Variants in TMLHE observed in about 807,000 individuals in gnomAD.
TMLHE encodes trimethyllysine hydroxylase, epsilon, also known as trimethyllysine dioxygenase, mitochondrial.
TMLHE carries 18 observed loss-of-function variants against 25.7 expected under a neutral mutation model. The ratio of observed to expected loss-of-function variants is 0.70; its 90% CI spans 0.48 to 1.04. The LOEUF (loss-of-function observed/expected upper bound fraction) is 1.04. Among genes scored for constraint, TMLHE ranks in the 50% least tolerant of loss-of-function variants. TMLHE has a pLI of 0.00. For synonymous variants in TMLHE, 105 were observed against 97.0 expected, an observed-to-expected ratio of 1.08 and a Z score of -0.49; for missense variants, 236 against 259.0, an observed-to-expected ratio of 0.91 and a Z score of 0.61.
chrX:155,561,423 T>TAACA (rs1320342096), intron 1 of TMLHE, among the ~76,000 whole-genome samples: 1 of 60,879 alleles, frequency 1.6e-5, no homozygotes, highest in African/African-American at 3.6e-5. Context: ...GCCCCTCCTC[T>TAACA]AACATTGGGG....
In TMLHE at chrX:155,521,763, C is replaced by T. The variant is rs372326674; in HGVS notation, c.358+2693G>A. 9.0e-5 allele frequency among the ~76,000 whole-genome samples: 5 copies of T among 55,402 alleles called. No individual in the cohort carries two copies. The Admixed American group carries it at 9.2e-4, about 10-fold the overall frequency. 48.1% of individuals were successfully genotyped at this position (55,402 alleles called of 115,157 possible). ...AAGCCGGTCTGAAAAGCGCAATATTCGGGTGGGAGTGACCCGATTTTCCAG... is the reference window on the plus strand; with the variant it reads ...AAGCCGGTCTGAAAAGCGCAATATTTGGGTGGGAGTGACCCGATTTTCCAG... On this transcript the variant is annotated intron_variant, in intron 3 of 7. Transcript: ENST00000334398.
chrX:155,534,229 G>C (rs1351331476), intron 2 of TMLHE, among the ~76,000 whole-genome samples: 1 of 111,714 alleles, frequency 9.0e-6, no homozygotes, highest in African/African-American at 3.3e-5. Context: ...AGATCATCGG[G>C]GCTGCCACTC....
chrX:155,592,628 A>C (rs782405292), intron 1 of TMLHE, among the ~76,000 whole-genome samples: 1 of 111,982 alleles, frequency 8.9e-6, no homozygotes, highest in Non-Finnish European at 1.9e-5. Context: ...GATGCTCCCC[A>C]GGAAGCCCAC....
intron 3 of TMLHE, among the ~76,000 whole-genome samples, chrX:155,522,622 A>G (rs1302377411): frequency 8.9e-6 from 1 of 112,108 alleles, no homozygotes; most frequent in Non-Finnish European, 1.9e-5. Flanking sequence ...ATGTTATTTC[A>G]TGACTGTTAC....
intron 1 of TMLHE, among the ~76,000 whole-genome samples, chrX:155,607,816 TA>T (rs1303483574): frequency 2.7e-4 from 30 of 109,738 alleles, no homozygotes; most frequent in Middle Eastern, 9.3e-3. Context: ...ACAATAGACA[TA>T]AAAAAAATAA....
chrX:155,556,443 G>A (rs1282412619), intron 1 of TMLHE, among the ~76,000 whole-genome samples: 3 of 110,479 alleles, frequency 2.7e-5, no homozygotes, highest in Admixed American at 9.7e-5. Context: ...TTAAAGCTGG[G>A]CGTCCTGGGG....
chrX:155,574,013 A>G lies in TMLHE; in HGVS notation c.-1-28736T>C, dbSNP rs150520986. On this transcript the variant is annotated intron_variant, in intron 1 of 7. Coordinates refer to ENST00000334398, the MANE Select transcript of TMLHE (RefSeq NM_018196.4). ...ATAAAATAAAATAAAATAAAATAAT[A>G]CAACAGAGCACACACACACACGAAA... Among the ~76,000 whole-genome samples, 822 of 107,103 alleles carry G rather than the reference A, an allele frequency of 7.7e-3. 71 individuals are homozygous for G. Among genetic ancestry groups the G allele is most frequent in the African/African-American group, 0.028 (782 of 27,577 alleles). 93.0% of individuals were successfully genotyped at this position (107,103 alleles called of 115,157 possible).
intron 1 of TMLHE, among the ~76,000 whole-genome samples, chrX:155,603,361 AGAAAGAAT>A (rs2067767534): frequency 2.2e-5 from 1 of 44,669 alleles, no homozygotes; most frequent in African/African-American, 5.8e-5. Context: ...AGAAAAGAAA[AGAAAGAAT>A]GAAAGAAAGA....
chrX:155,526,473 G>A (rs782168104), intron 2 of TMLHE, among the ~76,000 whole-genome samples: 23 of 112,897 alleles, frequency 2.0e-4, no homozygotes, highest in African/African-American at 6.4e-4. Flanking sequence ...GTCTATTGCA[G>A]GGGCAGAGCC....
intron 2 of TMLHE, among the ~76,000 whole-genome samples, chrX:155,533,720 G>C (rs911012247): frequency 9.0e-6 from 1 of 111,137 alleles, no homozygotes; most frequent in Admixed American, 9.6e-5. Context: ...AATGGTAAAG[G>C]CCATTCTGAT....
intron 1 of TMLHE, among the ~76,000 whole-genome samples, chrX:155,584,845 G>T (rs2065174074): frequency 9.0e-6 from 1 of 111,353 alleles, no homozygotes; most frequent in South Asian, 3.8e-4. Flanking sequence ...AATGCTGAGA[G>T]AATTTTCACC....
intron 1 of TMLHE, among the ~76,000 whole-genome samples, chrX:155,593,123 C>G (rs2067702197): frequency 8.9e-6 from 1 of 111,854 alleles, no homozygotes; most frequent in African/African-American, 3.2e-5. Context: ...CAAGCAGCAA[C>G]TCTGCCTAAT....
intron 3 of TMLHE, among the ~76,000 whole-genome samples, chrX:155,523,509 CTA>C (rs1197534463): frequency 1.8e-5 from 2 of 111,539 alleles, no homozygotes; most frequent in Non-Finnish European, 3.8e-5. Context: ...TCTGGGTTCT[CTA>C]TTCTATTCCA....
chrX:155,561,385 C>T (rs1490412664), intron 1 of TMLHE, among the ~76,000 whole-genome samples: 1 of 60,845 alleles, frequency 1.6e-5, no homozygotes, highest in African/African-American at 3.6e-5. Flanking sequence ...GGGAAATCCA[C>T]TGCCATGATT....
intron 1 of TMLHE, among the ~76,000 whole-genome samples, chrX:155,607,502 G>A (rs922863957): frequency 2.7e-5 from 3 of 111,027 alleles, no homozygotes; most frequent in Non-Finnish European, 5.7e-5. Flanking sequence ...TTCTCCTTGA[G>A]AACTGGAACA....
At chrX:155,560,132 C>T (rs939261640) in intron 1 of TMLHE, among the ~76,000 whole-genome samples, 1 of 112,046 alleles carries the variant, frequency 8.9e-6, no homozygotes, top group African/African-American at 3.2e-5. Flanking sequence ...TACAATTGCA[C>T]TCAGGGCGTT....
intron 1 of TMLHE, among the ~76,000 whole-genome samples, chrX:155,581,894 G>T (rs1454534595): frequency 8.9e-6 from 1 of 111,985 alleles, no homozygotes; most frequent in African/African-American, 3.2e-5. Context: ...GAACAAAGCT[G>T]GAGGCATCAT....
chrX:155,589,705 A>G (rs782365903), intron 1 of TMLHE, among the ~76,000 whole-genome samples: 1 of 111,358 alleles, frequency 9.0e-6, no homozygotes, highest in Non-Finnish European at 1.9e-5. Flanking sequence ...AGAATAAATA[A>G]GTTCCAATAA....
chrX:155,538,648 T>A (rs1423754506), intron 2 of TMLHE, among the ~76,000 whole-genome samples: 5 of 111,779 alleles, frequency 4.5e-5, no homozygotes, highest in African/African-American at 1.6e-4. Flanking sequence ...CACAAACTGA[T>A]GCCCCATATC....
Sources: gnomAD v4.1 joint callset for allele counts (sites outside exome capture counted in the v4.1 genomes callset) on GRCh38, gnomAD v4.1.1 for gene constraint, MANE v1.5 for transcripts, NCBI Gene and HGNC (gene_info 2026-07-23, HGNC 2026-07-21) for gene names.